Variants in USH2A observed in about 807,000 individuals in gnomAD.
The protein encoded by USH2A is Usher syndrome 2A (autosomal recessive, mild).
A neutral mutation model predicts 538.9 loss-of-function variants in USH2A; 443 were observed. The ratio of observed to expected loss-of-function variants is 0.82; its 90% CI spans 0.76 to 0.89. USH2A has a LOEUF of 0.89. Among genes scored for constraint, USH2A ranks in the 40% least tolerant of loss-of-function variants. USH2A has a pLI of 0.00. For synonymous variants in USH2A, 2,413 were observed against 2,273.5 expected (o/e 1.06, Z -1.75); for missense variants, 6,633 against 6,324.8 (o/e 1.05, Z -1.65).
chr1:215,748,295 T>C (rs1660538561), intron 58 of USH2A, among the ~76,000 whole-genome samples: 1 of 152,206 alleles, frequency 6.6e-6, no homozygotes, highest in Admixed American at 6.5e-5. Flanking sequence ...TGCCGGGACC[T>C]TGAACCTGTT....
chr1:216,175,601 G>T, intron 20 of USH2A, 119 bp from the exon 21 acceptor site: 2 of 978,782 alleles, frequency 2.0e-6, no homozygotes, highest in Non-Finnish European at 3.2e-6. Context: ...AATCAGTTGT[G>T]GTTTCAAGTA....
At chr1:215,630,802 G>A (rs901909811) in intron 70 of USH2A, among the ~76,000 whole-genome samples, 1 of 150,986 alleles carries the variant, frequency 6.6e-6, no homozygotes, top group Admixed American at 6.6e-5. Context: ...GCAGTGAGTC[G>A]AGATCATGCC....
chr1:215,787,141 C>T (rs1207730776), intron 51 of USH2A, among the ~76,000 whole-genome samples: 1 of 152,128 alleles, frequency 6.6e-6, no homozygotes, highest in African/African-American at 2.4e-5. Flanking sequence ...TTTTCAAAAC[C>T]TCAGCTTCTT....
intron 31 of USH2A, among the ~76,000 whole-genome samples, chr1:216,048,114 T>TA (rs760331470): frequency 2.0e-4 from 30 of 152,288 alleles, no homozygotes; most frequent in Non-Finnish European, 3.5e-4. Context: ...GTTTAGCAGT[T>TA]AAAAAAGACC....
chr1:216,113,023 T>C (rs1014340173), intron 21 of USH2A, among the ~76,000 whole-genome samples: 17 of 151,730 alleles, frequency 1.1e-4, no homozygotes, highest in African/African-American at 4.1e-4. Context: ...TCAAAGAATG[T>C]TTTCTTTCGT....
At chr1:215,680,607 C>T (rs1658196286) in intron 61 of USH2A, among the ~76,000 whole-genome samples, 1 of 151,788 alleles carries the variant, frequency 6.6e-6, no homozygotes, top group African/African-American at 2.4e-5. Flanking sequence ...AGAAAGTGGA[C>T]CAGATAGCAT....
chr1:216,355,320 A>AAAG (rs1367872497), intron 4 of USH2A, among the ~76,000 whole-genome samples: 1 of 58,176 alleles, frequency 1.7e-5, no homozygotes, highest in Non-Finnish European at 4.7e-5. Context: ...AGAAAGAAAG[A>AAAG]AAGAAAGAAA....
chr1:215,900,634 T>A, intron 39 of USH2A, 121 bp downstream of exon 39: 1 of 1,306,746 alleles, frequency 7.7e-7, no homozygotes, highest in Middle Eastern at 2.4e-4. Flanking sequence ...TGTTTGGGGT[T>A]TTTTTGTACT....
At chr1:215,847,547 A>G (rs1663894157) in intron 44 of USH2A, among the ~76,000 whole-genome samples, 1 of 151,812 alleles carries the variant, frequency 6.6e-6, no homozygotes. Context: ...CAGGAAGCTG[A>G]GGCAGTAGGA....
At chr1:216,081,402 A>G (rs1245091684) in intron 26 of USH2A, among the ~76,000 whole-genome samples, 1 of 152,186 alleles carries the variant, frequency 6.6e-6, no homozygotes, top group East Asian at 1.9e-4. Context: ...ATAACCATGC[A>G]TATTGAAATA....
At position 215,674,274 on chromosome 1, in the gene USH2A, T is replaced by C. The variant is rs1657919055; in HGVS notation, c.13637A>G (p.Gln4546Arg). The change falls in exon 63 of 72, where the codon CAG (glutamine) becomes CGG (arginine). Residue 4546 changes from glutamine (Q) to arginine (R), a missense_variant. Physicochemically the swap from Gln to Arg is conservative, Grantham distance 43. Transcript: ENST00000307340. ...EPPKLQARGP[Q>R]EILVNWDPPV... ...AGGGTCCCAGTTCACTAAGATCTCC[T>C]GAGGACCCCTGGCCTGCAATTTTGG... 13 of 1,614,036 alleles carry C rather than the reference T, an allele frequency of 8.1e-6. No homozygotes were observed. Among genetic ancestry groups the C allele is most frequent in the Non-Finnish European group, 1.1e-5 (13 of 1,180,018 alleles).
chr1:216,349,600 A>C (rs184995727), intron 4 of USH2A, among the ~76,000 whole-genome samples: 9 of 152,162 alleles, frequency 5.9e-5, no homozygotes, highest in African/African-American at 2.2e-4. Context: ...CATCAGTACC[A>C]TGACAGTTTA....
chr1:216,051,660 G>T (rs529921612), intron 30 of USH2A, among the ~76,000 whole-genome samples: 1 of 152,336 alleles, frequency 6.6e-6, no homozygotes, highest in African/African-American at 2.4e-5. Context: ...TGGGGCATAT[G>T]TGAAAAGCAG....
At chr1:216,364,881 T>C (rs2038564691) in intron 4 of USH2A, 72 bp downstream of exon 4, 11 of 1,582,068 alleles carry the variant, frequency 7.0e-6, no homozygotes, top group African/African-American at 1.3e-5. Context: ...TTTAAAATAT[T>C]ATTTGTTTGA....
chr1:215,877,961 T>C (rs1294603590), intron 42 of USH2A, 81 bp from the exon 43 acceptor site: 18 of 1,587,670 alleles, frequency 1.1e-5, no homozygotes, highest in Admixed American at 8.3e-5. Context: ...TTCTGTGGCA[T>C]GTGCGTGTGA....
Position 215,674,573 on chromosome 1 carries a change from G to T in USH2A, c.13338C>A (p.Asn4446Lys), listed in dbSNP as rs369514651. The T allele has an allele frequency of 1.2e-6, 2 of 1,614,136 alleles. No homozygotes were observed. The highest frequency in any genetic ancestry group is 1.7e-5 in the Admixed American group (1 of 60,006). ...SAWTMEALPE[N>K]MDSPTLQVTG... ...TGACTTGCAATGTTGGAGAGTCCAT[G>T]TTCTCTGGCAGGGCCTCCATTGTCC... Residue 4446 changes from asparagine to lysine, a missense_variant, in exon 63 of 72, where the codon AAC becomes AAA. Transcript: ENST00000307340.
At chr1:216,389,972 G>A (rs967586291) in intron 3 of USH2A, among the ~76,000 whole-genome samples, 1 of 150,838 alleles carries the variant, frequency 6.6e-6, no homozygotes, top group Non-Finnish European at 1.5e-5. Flanking sequence ...TTTACTAGCT[G>A]TCAGTAAAAG....
chr1:215,699,867 G>A (rs112689714), intron 61 of USH2A, among the ~76,000 whole-genome samples: 3,771 of 152,290 alleles, frequency 0.025, 148 homozygotes, highest in African/African-American at 0.086. Context: ...GTGAGAGAGG[G>A]CATCCTTGTC....
intron 49 of USH2A, among the ~76,000 whole-genome samples, chr1:215,811,188 G>A (rs72742741): frequency 0.022 from 3,278 of 152,252 alleles, 56 homozygotes; most frequent in Non-Finnish European, 0.032. Context: ...GTTTAACTTC[G>A]AAACACTGAT....
Sources: allele counts gnomAD v4.1 joint callset (sites outside exome capture counted in the v4.1 genomes callset), GRCh38; gene constraint gnomAD v4.1.1; transcripts MANE v1.5; gene names NCBI Gene and HGNC (gene_info 2026-07-23, HGNC 2026-07-21).